The following VRK2 variants were observed in gnomAD, a reference collection of about 807,000 sequenced individuals.
The protein encoded by VRK2 is serine/threonine-protein kinase VRK2.
A neutral mutation model predicts 57.6 loss-of-function variants in VRK2; 60 were observed. That is an observed-to-expected ratio of 1.04 (90% CI 0.85 to 1.29). The LOEUF (loss-of-function observed/expected upper bound fraction) is 1.29. Ranked by LOEUF, VRK2 falls within the 50% of genes most tolerant of loss-of-function variation. VRK2 has a pLI of 0.00. For synonymous variants in VRK2, 231 were observed against 199.2 expected, an observed-to-expected ratio of 1.16 and a Z score of -1.35; for missense variants, 705 against 588.1, an observed-to-expected ratio of 1.20 and a Z score of -2.06.
At chr2:58,108,043 C>T (rs145851821) in intron 7 of VRK2, among the ~76,000 whole-genome samples, 15 of 152,226 alleles carry the variant, frequency 9.9e-5, no homozygotes, top group African/African-American at 3.1e-4. Context: ...CCTCCATAAA[C>T]GGACAAACCA....
At chr2:57,922,455 TG>T (rs1342622711) in intron 1 of VRK2, among the ~76,000 whole-genome samples, 40 of 12,918 alleles carry the variant, frequency 3.1e-3, no homozygotes, top group Middle Eastern at 0.031. Flanking sequence ...GTTACCTTCT[TG>T]TGTGTGTGTG....
chr2:58,108,393 A>G (rs1008135372), intron 7 of VRK2, among the ~76,000 whole-genome samples: 19 of 152,160 alleles, frequency 1.2e-4, no homozygotes, highest in African/African-American at 4.6e-4. Context: ...CAGTGCTGAT[A>G]TTATTATTCT....
chr2:58,158,301 A>T (rs147301158), intron 12 of VRK2, among the ~76,000 whole-genome samples: 1 of 152,344 alleles, frequency 6.6e-6, no homozygotes, highest in African/African-American at 2.4e-5. Flanking sequence ...TGACTTCGTT[A>T]GCTCAGAAAG....
intron 2 of VRK2, among the ~76,000 whole-genome samples, chr2:58,057,295 A>C (rs1444626414): frequency 1.3e-5 from 2 of 152,130 alleles, no homozygotes; most frequent in African/African-American, 4.8e-5. Context: ...CTGTACTTTC[A>C]GATTTAGATA....
chr2:57,922,069 C>A (rs1271710583), intron 1 of VRK2, among the ~76,000 whole-genome samples: 1 of 151,994 alleles, frequency 6.6e-6, no homozygotes, highest in Non-Finnish European at 1.5e-5. Flanking sequence ...ATATACAATA[C>A]AACCCAATTA....
chr2:58,107,989 A>G (rs748835080), intron 7 of VRK2, among the ~76,000 whole-genome samples: 6 of 152,120 alleles, frequency 3.9e-5, no homozygotes, highest in Non-Finnish European at 7.4e-5. Context: ...GTTGGGAAAG[A>G]GGCCCTTTAC....
intron 1 of VRK2, among the ~76,000 whole-genome samples, chr2:58,005,976 A>G (rs1395428578): frequency 6.6e-6 from 1 of 152,142 alleles, no homozygotes; most frequent in Non-Finnish European, 1.5e-5. Flanking sequence ...GATGGTAAGC[A>G]AGGCAATGCT....
At chr2:57,956,266 T>C (rs531188918) in intron 1 of VRK2, among the ~76,000 whole-genome samples, 15 of 152,234 alleles carry the variant, frequency 9.9e-5, no homozygotes, top group Non-Finnish European at 1.9e-4. Flanking sequence ...ATGCCTGTAG[T>C]ACTAGTTACT....
At chr2:58,130,614 A>C (rs1679045695) in intron 8 of VRK2, among the ~76,000 whole-genome samples, 1 of 152,222 alleles carries the variant, frequency 6.6e-6, no homozygotes, top group Non-Finnish European at 1.5e-5. Context: ...TGTTGGCATC[A>C]TTGTTCTTAG....
intron 1 of VRK2, among the ~76,000 whole-genome samples, chr2:58,002,523 C>T (rs1416947485): frequency 6.6e-6 from 1 of 151,828 alleles, no homozygotes; most frequent in Non-Finnish European, 1.5e-5. Context: ...TAGTGGAGAC[C>T]ACACTTATTT....
At chr2:58,093,640 TTTTGC>T (rs2104274045) in intron 7 of VRK2, among the ~76,000 whole-genome samples, 1 of 152,296 alleles carries the variant, frequency 6.6e-6, no homozygotes, top group Admixed American at 6.5e-5. Flanking sequence ...TGGTAGTTTC[TTTTGC>T]TGTGCAGAAG....
intron 2 of VRK2, among the ~76,000 whole-genome samples, chr2:58,028,897 TAAA>T (rs1558548436): frequency 1.8e-4 from 10 of 57,092 alleles, no homozygotes; most frequent in African/African-American, 6.9e-4. Flanking sequence ...AATAAATAAA[TAAA>T]TAAATATATA....
intron 1 of VRK2, among the ~76,000 whole-genome samples, chr2:57,921,300 A>ACACACT (rs978252016): frequency 6.6e-6 from 1 of 151,484 alleles, no homozygotes; most frequent in African/African-American, 2.4e-5. Context: ...ACACACACAC[A>ACACACT]CACACACACA....
At chr2:58,129,101 A>G (rs145840460) in intron 8 of VRK2, among the ~76,000 whole-genome samples, 290 of 152,312 alleles carry the variant, frequency 1.9e-3, no homozygotes, top group Non-Finnish European at 3.1e-3. Flanking sequence ...GATGCTATTA[A>G]TAATATTTAG....
Position 58,084,223 on chromosome 2 carries a change from G to GT in VRK2, c.186+86dup, listed in dbSNP as rs1452444271. On this transcript the variant is annotated intron_variant, in intron 3 of 12. Transcript: ENST00000340157. ...AAGAATGTTTTTCACGTTAATTTTT[G>GT]TAACTATTGCCTTATCAGTAAACCT... The GT allele has an allele frequency of 2.2e-5, 31 of 1,383,766 alleles. No homozygotes were observed. The Middle Eastern group carries it at 6.4e-4, about 29-fold the overall frequency. The allele number at this position is 1,383,766 out of a possible 1,614,324, so 85.7% of individuals were successfully genotyped here.
chr2:58,016,860 G>C (rs1673599526), intron 1 of VRK2, among the ~76,000 whole-genome samples: 1 of 152,044 alleles, frequency 6.6e-6, no homozygotes, highest in African/African-American at 2.4e-5. Flanking sequence ...CCTCACAATA[G>C]TTTTCATACC....
intron 1 of VRK2, among the ~76,000 whole-genome samples, chr2:57,977,701 C>G (rs953255310): frequency 6.6e-6 from 1 of 151,258 alleles, no homozygotes; most frequent in Non-Finnish European, 1.5e-5. Flanking sequence ...TATTTGAATG[C>G]CTTTTATTTC....
intron 7 of VRK2, among the ~76,000 whole-genome samples, chr2:58,112,709 A>G (rs1675756722): frequency 6.6e-6 from 1 of 152,166 alleles, no homozygotes; most frequent in Non-Finnish European, 1.5e-5. Flanking sequence ...GGGGAAGTAT[A>G]TGCAATTTTA....
intron 1 of VRK2, among the ~76,000 whole-genome samples, chr2:57,921,696 T>C (rs1670355674): frequency 6.6e-6 from 1 of 152,118 alleles, no homozygotes; most frequent in Non-Finnish European, 1.5e-5. Context: ...GAACAGTAAG[T>C]TCCCAGTAAA....
Sources: gnomAD v4.1 joint callset for allele counts (sites outside exome capture counted in the v4.1 genomes callset) on GRCh38, gnomAD v4.1.1 for gene constraint, MANE v1.5 for transcripts, NCBI Gene and HGNC (gene_info 2026-07-23, HGNC 2026-07-21) for gene names.